ZNF469: variants seen among roughly 807,000 people sequenced by gnomAD.
ZNF469 encodes zinc finger protein 469.
A neutral mutation model predicts 1.0 loss-of-function variants in ZNF469; 1 was observed. The ratio of observed to expected loss-of-function variants is 1.00; its 90% CI spans 0.35 to 4.73. ZNF469 has a LOEUF of 4.73. Among genes scored for constraint, ZNF469 ranks in the 30% most tolerant of loss-of-function variants. ZNF469 has a pLI of 0.16. For missense variants in ZNF469, 6,100 were observed against 5,356.3 expected (o/e 1.14, Z -4.33); for synonymous variants, 2,703 against 2,363.4 (o/e 1.14, Z -4.17).
chr16:88,192,489 T>C, the ZNF469 span, among the ~76,000 whole-genome samples: 1 of 152,186 alleles, frequency 6.6e-6, no homozygotes, highest in Non-Finnish European at 1.5e-5. Context: ...TCATGGAATT[T>C]GGGGTCACAA....
chr16:88,216,592 C>G, the ZNF469 span, among the ~76,000 whole-genome samples: 1 of 152,080 alleles, frequency 6.6e-6, no homozygotes, highest in Admixed American at 6.5e-5. Context: ...TTGGAAGACA[C>G]AGAGTCTCTG....
chr16:88,298,088 T>C, the ZNF469 span, among the ~76,000 whole-genome samples: 7 of 152,314 alleles, frequency 4.6e-5, no homozygotes, highest in East Asian at 1.3e-3. Context: ...ACAAGGGCCT[T>C]AAGACCAGAA....
chr16:88,104,146 A>T, the ZNF469 span, among the ~76,000 whole-genome samples: 45 of 151,042 alleles, frequency 3.0e-4, no homozygotes, highest in African/African-American at 1.1e-3. Context: ...GACATCAGAG[A>T]GGTTAAGACA....
At chr16:88,355,718 G>A in the ZNF469 span, among the ~76,000 whole-genome samples, 1 of 152,222 alleles carries the variant, frequency 6.6e-6, no homozygotes, top group East Asian at 1.9e-4. Context: ...GTCTTGCAGG[G>A]AGAGTCCTCT....
chr16:88,254,619 G>A, the ZNF469 span, among the ~76,000 whole-genome samples: 54 of 152,230 alleles, frequency 3.5e-4, no homozygotes, highest in African/African-American at 1.3e-3. Context: ...TTAGCCGGGC[G>A]TGGTGGCACA....
At chr16:88,127,375 G>C in the ZNF469 span, among the ~76,000 whole-genome samples, 1 of 152,226 alleles carries the variant, frequency 6.6e-6, no homozygotes, top group Non-Finnish European at 1.5e-5. Context: ...GATCTCGCTA[G>C]AATAGAATAT....
the ZNF469 span, among the ~76,000 whole-genome samples, chr16:88,141,054 T>C: frequency 6.6e-6 from 1 of 152,230 alleles, no homozygotes; most frequent in East Asian, 1.9e-4. Context: ...AGAGGCATCG[T>C]TGGGCCAATG....
chr16:88,106,825 G>A, the ZNF469 span, among the ~76,000 whole-genome samples: 1 of 152,270 alleles, frequency 6.6e-6, no homozygotes, highest in African/African-American at 2.4e-5. Flanking sequence ...GCCAGGAGGT[G>A]AATTGAGCTG....
chr16:88,370,928 G>A, the ZNF469 span, among the ~76,000 whole-genome samples: 2 of 152,248 alleles, frequency 1.3e-5, no homozygotes, highest in Non-Finnish European at 2.9e-5. Flanking sequence ...TCCCTGCCAT[G>A]TGAGTGAGCC....
the ZNF469 span, among the ~76,000 whole-genome samples, chr16:88,297,466 C>T: frequency 1.3e-5 from 2 of 152,262 alleles, no homozygotes; most frequent in South Asian, 2.1e-4. Flanking sequence ...CATCTGCCCA[C>T]ACGTGGCCTG....
the ZNF469 span, among the ~76,000 whole-genome samples, chr16:88,253,091 T>G: frequency 6.6e-6 from 1 of 152,232 alleles, no homozygotes; most frequent in Non-Finnish European, 1.5e-5. Context: ...TATCACCGTT[T>G]CAGGTCACTT....
the ZNF469 span, among the ~76,000 whole-genome samples, chr16:88,304,857 C>T: frequency 6.6e-6 from 1 of 152,202 alleles, no homozygotes; most frequent in Admixed American, 6.5e-5. Context: ...CAGGTGCTGC[C>T]TGCACCCTGG....
chr16:88,323,247 G>T, the ZNF469 span, among the ~76,000 whole-genome samples: 1 of 152,148 alleles, frequency 6.6e-6, no homozygotes, highest in Admixed American at 6.5e-5. Context: ...CGGAGGCCTT[G>T]GTGGTGCAGT....
the ZNF469 span, among the ~76,000 whole-genome samples, chr16:88,104,941 A>G: frequency 6.6e-6 from 1 of 152,302 alleles, no homozygotes; most frequent in South Asian, 2.1e-4. Flanking sequence ...GGCCAGGTGC[A>G]GCAGTGGCTC....
At chr16:88,341,802 G>C in the ZNF469 span, among the ~76,000 whole-genome samples, 1 of 152,300 alleles carries the variant, frequency 6.6e-6, no homozygotes, top group South Asian at 2.1e-4. Flanking sequence ...GCCATGCCCA[G>C]TGGGGGCTGG....
rs1906114097 is a variant in ZNF469 at position 88,430,819 on chromosome 16, C to G, written c.3349C>G (p.Arg1117Gly). The G allele has an allele frequency of 2.6e-6, 4 of 1,532,912 alleles. No individual in the cohort carries two copies. The highest frequency in any genetic ancestry group is 3.5e-6 in the Non-Finnish European group (4 of 1,145,338). The allele number at this position is 1,532,912 out of a possible 1,614,324, so 95.0% of individuals were successfully genotyped here. A position where few individuals can be genotyped will look rare whatever the true frequency, so the allele number is the denominator to read the frequency against. The change falls in exon 3 of 3, where the codon CGA becomes GGA. Residue 1117 changes from arginine (R) to glycine (G), a missense_variant. Coordinates refer to ENST00000565624, the MANE Select transcript of ZNF469 (RefSeq NM_001367624.2). ...RGPGFRGRRG[R>G]GEKRKEVELT... ...CCCCGGCTTCAGAGGCCGGCGGGGCCGAGGCGAGAAGAGGAAGGAAGTGGA... is the reference window on the plus strand; with the variant it reads ...CCCCGGCTTCAGAGGCCGGCGGGGCGGAGGCGAGAAGAGGAAGGAAGTGGA...
At chr16:88,315,298 G>C in the ZNF469 span, among the ~76,000 whole-genome samples, 1 of 152,178 alleles carries the variant, frequency 6.6e-6, no homozygotes, top group Non-Finnish European at 1.5e-5. Context: ...GGGCTGGCAC[G>C]GCACTGGCCC....
the ZNF469 span, among the ~76,000 whole-genome samples, chr16:88,190,880 GCTC>G: frequency 6.6e-6 from 1 of 152,178 alleles, no homozygotes; most frequent in African/African-American, 2.4e-5. Flanking sequence ...GTTCATCATC[GCTC>G]TTCCCAGGAG....
At chr16:88,259,754 C>A in the ZNF469 span, among the ~76,000 whole-genome samples, 1 of 152,162 alleles carries the variant, frequency 6.6e-6, no homozygotes, top group Non-Finnish European at 1.5e-5. The surrounding 1 kb of genome is among the most constrained non-coding windows in gnomAD (Gnocchi z 4.1). Flanking sequence ...CAAGCGGCCT[C>A]CCCAAAGTCC....
Sources: gnomAD v4.1 joint callset for allele counts (sites outside exome capture counted in the v4.1 genomes callset) on GRCh38, gnomAD v4.1.1 for gene constraint, Gnocchi (gnomAD v3.1) non-coding constraint, MANE v1.5 for transcripts, NCBI Gene and HGNC (gene_info 2026-07-23, HGNC 2026-07-21) for gene names.